Variants in SLC24A2 observed in about 807,000 individuals in gnomAD.
SLC24A2 encodes the protein solute carrier family 24 member 2.
In SLC24A2, 36 loss-of-function variants were observed where a neutral mutation model predicts 62.0. The observed-to-expected ratio is 0.58, with a 90% CI of 0.44 to 0.77. SLC24A2 has a LOEUF of 0.77. Among genes scored for constraint, SLC24A2 ranks in the 30% least tolerant of loss-of-function variants. SLC24A2 has a pLI of 0.00. For missense variants in SLC24A2, 846 were observed against 817.9 expected, an observed-to-expected ratio of 1.03 and a Z score of -0.42; for synonymous variants, 358 against 294.0, an observed-to-expected ratio of 1.22 and a Z score of -2.23.
chr9:20,091,909 C>T, the SLC24A2 span, among the ~76,000 whole-genome samples: 2 of 152,114 alleles, frequency 1.3e-5, no homozygotes, highest in Non-Finnish European at 2.9e-5. Context: ...TACTATGCAG[C>T]CATTAAAAAT....
At chr9:20,121,008 G>T in the SLC24A2 span, among the ~76,000 whole-genome samples, 2 of 149,498 alleles carry the variant, frequency 1.3e-5, no homozygotes, top group Non-Finnish European at 3.0e-5. Context: ...ACCAGTATAC[G>T]TGTTTAATTA....
chr9:20,100,503 T>A, the SLC24A2 span, among the ~76,000 whole-genome samples: 1 of 152,220 alleles, frequency 6.6e-6, no homozygotes, highest in Non-Finnish European at 1.5e-5. Flanking sequence ...TTTCTCATCA[T>A]AAGTGCAGAT....
chr9:19,794,291 T>C, the SLC24A2 span, among the ~76,000 whole-genome samples: 10 of 152,200 alleles, frequency 6.6e-5, no homozygotes, highest in African/African-American at 2.4e-4. Flanking sequence ...CCAGCTCAGC[T>C]TCATTGCACC....
At chr9:19,520,634 A>G (rs183687457) in intron 10 of SLC24A2, among the ~76,000 whole-genome samples, 2 of 152,200 alleles carry the variant, frequency 1.3e-5, no homozygotes, top group East Asian at 1.9e-4. Flanking sequence ...GTGAAATTCT[A>G]AAGTATTTCC....
the SLC24A2 span, among the ~76,000 whole-genome samples, chr9:20,076,514 A>G: frequency 6.6e-6 from 1 of 152,148 alleles, no homozygotes; most frequent in Non-Finnish European, 1.5e-5. Context: ...ACCAGTAAAC[A>G]CCAGAAGCTG....
rs1418719709 is a variant in SLC24A2 at position 19,512,325 on chromosome 9, T to C, written c.*3828A>G. The C allele has an allele frequency of 3.9e-5, 6 of 152,246 alleles. No homozygotes were observed. Among genetic ancestry groups the C allele is most frequent in the Non-Finnish European group, 8.8e-5 (6 of 68,050 alleles). The allele number at this position is 152,246 out of a possible 1,614,324, so 9.4% of individuals were successfully genotyped here. Reference sequence around the variant, plus strand: ...GTCAGGTGACACCTGTTAGAAGCCTTACAAAGCATTTTTCCTGAATATAAA... The same window carrying C: ...GTCAGGTGACACCTGTTAGAAGCCTCACAAAGCATTTTTCCTGAATATAAA... On this transcript the variant is annotated 3_prime_UTR_variant, in exon 11 of 11. Coordinates refer to ENST00000341998, the MANE Select transcript of SLC24A2 (RefSeq NM_020344.4).
chr9:19,929,030 C>A, the SLC24A2 span: 1 of 152,254 alleles, frequency 6.6e-6, no homozygotes, highest in East Asian at 1.9e-4. Context: ...ACAATCTTTT[C>A]TTCTTCCTTC....
In SLC24A2 at chr9:19,636,424, T is replaced by TTCTTTCTTTC. The variant is rs879519167; in HGVS notation, c.931-14126_931-14125insGAAAGAAAGA. On this transcript the variant is annotated intron_variant, in intron 2 of 10. Transcript: ENST00000341998. The stretch of plus-strand genomic sequence containing the variant: ...CTCTCTCTCTTTCTTTCTTTCCTCT[T>TTCTTTCTTTC]CTCTTCTCTTCTCTTTTCTTTTTTG... 4.7e-4 allele frequency among the ~76,000 whole-genome samples: 8 copies of TTCTTTCTTTC among 17,090 alleles called. 3 individuals carry two copies. The highest frequency in any genetic ancestry group is 1.8e-3 in the African/African-American group (8 of 4,372). The allele number at this position is 17,090 out of a possible 152,430, so 11.2% of individuals were successfully genotyped here.
rs112840016 is a variant in SLC24A2, at chr9:19,602,210, C to T, written c.1079-4931G>A. ...AAATGGGGCTCATTCTAGTACGTCC[C>T]TCAATATGTTGTTGTAAGGAGCTTT... is the stretch of plus-strand genomic sequence containing the variant. On this transcript the variant is annotated intron_variant, in intron 4 of 10. Transcript: ENST00000341998. Among the ~76,000 whole-genome samples, 42 of 152,296 alleles carry T rather than the reference C, an allele frequency of 2.8e-4. 1 individual carries two copies. The highest frequency in any genetic ancestry group is 8.7e-4 in the African/African-American group (36 of 41,566).
At chr9:20,041,157 C>T in the SLC24A2 span, among the ~76,000 whole-genome samples, 3 of 151,820 alleles carry the variant, frequency 2.0e-5, no homozygotes, top group South Asian at 2.1e-4. Flanking sequence ...TGTACGCGTG[C>T]GCGCGTGCGC....
At chr9:20,225,698 T>C in the SLC24A2 span, among the ~76,000 whole-genome samples, 1 of 149,708 alleles carries the variant, frequency 6.7e-6, no homozygotes, top group Admixed American at 6.8e-5. Context: ...TCCTCCTTTT[T>C]GACAATAAAA....
the SLC24A2 span, among the ~76,000 whole-genome samples, chr9:20,008,540 T>C: frequency 6.6e-6 from 1 of 152,144 alleles, no homozygotes; most frequent in East Asian, 1.9e-4. Flanking sequence ...TCTCACTACA[T>C]AGCCACCTTG....
At chr9:20,049,637 G>T in the SLC24A2 span, among the ~76,000 whole-genome samples, 1 of 33,706 alleles carries the variant, frequency 3.0e-5, no homozygotes, top group Non-Finnish European at 5.0e-5. Flanking sequence ...TGGTAACAAA[G>T]ATGACAAATA....
At chr9:20,286,686 A>G in the SLC24A2 span, among the ~76,000 whole-genome samples, 1 of 152,218 alleles carries the variant, frequency 6.6e-6, no homozygotes, top group Non-Finnish European at 1.5e-5. Flanking sequence ...TGCACGGATG[A>G]GTATGGATAA....
the SLC24A2 span, among the ~76,000 whole-genome samples, chr9:20,089,463 G>A: frequency 2.6e-5 from 4 of 152,050 alleles, no homozygotes; most frequent in Non-Finnish European, 4.4e-5. Context: ...TCAGCCTGGG[G>A]AAAGGATAAA....
chr9:20,102,498 G>A, the SLC24A2 span, among the ~76,000 whole-genome samples: 8 of 150,868 alleles, frequency 5.3e-5, no homozygotes, highest in Non-Finnish European at 7.4e-5. Flanking sequence ...GTGAGGGGGT[G>A]GGGGGGGAAG....
the SLC24A2 span, among the ~76,000 whole-genome samples, chr9:20,051,262 C>A: frequency 5.3e-5 from 8 of 152,100 alleles, no homozygotes; most frequent in African/African-American, 1.9e-4. Context: ...CAAAGAGGGT[C>A]ACTTCATAAT....
At chr9:19,684,630 T>G (rs1819825047) in intron 2 of SLC24A2, among the ~76,000 whole-genome samples, 1 of 152,118 alleles carries the variant, frequency 6.6e-6, no homozygotes, top group Non-Finnish European at 1.5e-5. Context: ...CTAGACTTGT[T>G]GATATCTGGA....
intron 8 of SLC24A2, among the ~76,000 whole-genome samples, chr9:19,536,607 G>T (rs536451032): frequency 0.025 from 1,779 of 70,636 alleles, 106 homozygotes; most frequent in African/African-American, 0.1. Context: ...ATCATTGTTG[G>T]ACATTTGGGT....
Sources: gnomAD v4.1 joint callset for allele counts (sites outside exome capture counted in the v4.1 genomes callset) on GRCh38, gnomAD v4.1.1 for gene constraint, MANE v1.5 for transcripts, NCBI Gene and HGNC (gene_info 2026-07-23, HGNC 2026-07-21) for gene names.